Variants in XRRA1 observed in about 807,000 individuals in gnomAD.
XRRA1 encodes X-ray radiation resistance-associated protein 1.
XRRA1 carries 69 observed loss-of-function variants against 80.2 expected under a neutral mutation model. That is an observed-to-expected ratio of 0.86 (90% confidence interval 0.71 to 1.05). The LOEUF (loss-of-function observed/expected upper bound fraction) is 1.05, where lower values mean the gene tolerates loss of function less well. Among genes scored for constraint, XRRA1 ranks in the 50% least tolerant of loss-of-function variants. XRRA1 has a pLI of 0.00. For synonymous variants in XRRA1, 348 were observed against 389.9 expected (o/e 0.89, Z 1.27); for missense variants, 967 against 976.4 (o/e 0.99, Z 0.13).
At chr11:74,860,932 G>A (rs1458053313) in intron 11 of XRRA1, among the ~76,000 whole-genome samples, 1 of 152,222 alleles carries the variant, frequency 6.6e-6, no homozygotes, top group Non-Finnish European at 1.5e-5. Context: ...GGCTGGCCAT[G>A]CCAGAAAGAC....
intron 10 of XRRA1, among the ~76,000 whole-genome samples, chr11:74,889,234 A>G (rs1356645149): frequency 2.0e-5 from 3 of 152,162 alleles, no homozygotes; most frequent in Non-Finnish European, 2.9e-5. Context: ...GCCAGAAGAG[A>G]GTGGGGGCCA....
At chr11:74,899,033 TA>T (rs560207216) in intron 10 of XRRA1, among the ~76,000 whole-genome samples, 8 of 152,256 alleles carry the variant, frequency 5.3e-5, no homozygotes, top group African/African-American at 1.9e-4. Flanking sequence ...AAAACATTTT[TA>T]AAAAATCTTG....
At chr11:74,900,789 A>G (rs1240417290) in intron 10 of XRRA1, among the ~76,000 whole-genome samples, 1 of 152,258 alleles carries the variant, frequency 6.6e-6, no homozygotes, top group African/African-American at 2.4e-5. Context: ...AAAACTAGGT[A>G]TAGAAGAACC....
chr11:74,944,618 G>A (rs1051910570), intron 2 of XRRA1, among the ~76,000 whole-genome samples: 3 of 152,204 alleles, frequency 2.0e-5, no homozygotes, highest in Admixed American at 6.5e-5. Context: ...TCCATACTTC[G>A]CCTAGTATAG....
intron 5 of XRRA1, among the ~76,000 whole-genome samples, chr11:74,931,548 C>G (rs1404798669): frequency 2.6e-5 from 4 of 152,100 alleles, no homozygotes; most frequent in Admixed American, 2.6e-4. Context: ...TAGTCTCAAA[C>G]TCCTGACCTC....
chr11:74,853,995 C>T (rs114850979), intron 12 of XRRA1, among the ~76,000 whole-genome samples: 3,425 of 150,246 alleles, frequency 0.023, 145 homozygotes, highest in African/African-American at 0.079. Flanking sequence ...ACTGGGGGGG[C>T]GGAGGATGGG....
intron 10 of XRRA1, among the ~76,000 whole-genome samples, chr11:74,886,723 T>G (rs374743155): frequency 6.6e-6 from 1 of 152,108 alleles, no homozygotes; most frequent in Non-Finnish European, 1.5e-5. Context: ...ATTTAAAAAT[T>G]TATAAATAAC....
chr11:74,883,940 G>A (rs2048377530), intron 10 of XRRA1, among the ~76,000 whole-genome samples: 1 of 152,200 alleles, frequency 6.6e-6, no homozygotes, highest in African/African-American at 2.4e-5. Context: ...GCTTATGCCT[G>A]TAATCGCAGC....
intron 10 of XRRA1, among the ~76,000 whole-genome samples, chr11:74,903,539 T>C (rs372137530): frequency 3.3e-5 from 5 of 152,014 alleles, no homozygotes; most frequent in African/African-American, 1.2e-4. Context: ...CTGTCTCCAC[T>C]AAAAATACAA....
At chr11:74,853,883 C>T (rs1241632617) in intron 12 of XRRA1, among the ~76,000 whole-genome samples, 4 of 151,766 alleles carry the variant, frequency 2.6e-5, no homozygotes, top group Admixed American at 2.6e-4. Flanking sequence ...AAGTAGGGGC[C>T]AAACAAAAGG....
At chr11:74,900,390 C>T (rs12419929) in intron 10 of XRRA1, among the ~76,000 whole-genome samples, 38,592 of 151,840 alleles carry the variant, frequency 0.25, 5,808 homozygotes, top group East Asian at 0.53. Flanking sequence ...CAAGACCAGC[C>T]TGATCAACAT....
chr11:74,912,258 G>A (rs866405407), intron 8 of XRRA1, among the ~76,000 whole-genome samples: 1 of 152,138 alleles, frequency 6.6e-6, no homozygotes, highest in Non-Finnish European at 1.5e-5. Context: ...AGAAAACCCA[G>A]ACAAAATATA....
chr11:74,877,683 A>G (rs868866004), intron 10 of XRRA1, among the ~76,000 whole-genome samples: 51 of 141,328 alleles, frequency 3.6e-4, no homozygotes, highest in Admixed American at 1.3e-3. Flanking sequence ...TCATTGTTCA[A>G]TTCCCACCTA....
chr11:74,845,397 T>C (rs1210880102), intron 15 of XRRA1, 126 bp from the exon 16 acceptor site: 2 of 906,576 alleles, frequency 2.2e-6, no homozygotes, highest in Non-Finnish European at 3.3e-6. Context: ...AGACCAAGAC[T>C]GGGATGGAAG....
chr11:74,930,552 A>G (rs1292071899), intron 5 of XRRA1, among the ~76,000 whole-genome samples, 180 bp from the exon 6 acceptor site: 1 of 152,180 alleles, frequency 6.6e-6, no homozygotes. Flanking sequence ...TTTTTCCACT[A>G]TGAAACATTT....
At chr11:74,926,497 T>C (rs1336945265) in intron 7 of XRRA1, among the ~76,000 whole-genome samples, 12 of 152,198 alleles carry the variant, frequency 7.9e-5, no homozygotes, top group Admixed American at 6.5e-4. Context: ...CTCCAGGATG[T>C]GGAGAAGAGT....
chr11:74,944,743 C>G lies in XRRA1; in HGVS notation c.-5+275G>C, dbSNP rs539446863. Among the ~76,000 whole-genome samples the G allele has an allele frequency of 1.7e-3, 253 of 152,242 alleles. 1 individual carries two copies. Among genetic ancestry groups the G allele is most frequent in the African/African-American group, 5.9e-3 (244 of 41,526 alleles). ...CCAGCATGTAGCATAGAGCCTACGA[C>G]TCACTAAAAATATGTTGGTAAGATT... On this transcript the variant is annotated intron_variant, in intron 2 of 18. Transcript: ENST00000684022.
chr11:74,946,223 G>A lies in XRRA1; in HGVS notation c.-72-1138C>T, dbSNP rs547584282. On this transcript the variant is annotated intron_variant, in intron 1 of 18. Coordinates refer to ENST00000684022, the MANE Select transcript of XRRA1 (RefSeq NM_001378157.1). Reference sequence around the variant, plus strand: ...CTCTCAAAGTGTTGGGATTACAGGCGTGAACCCCCTTGCCCAGCCATCAGG... The same window carrying A: ...CTCTCAAAGTGTTGGGATTACAGGCATGAACCCCCTTGCCCAGCCATCAGG... 6.6e-5 allele frequency among the ~76,000 whole-genome samples: 10 copies of A among 152,280 alleles called. No individual in the cohort carries two copies. In the South Asian group the frequency reaches 1.0e-3, roughly 16 times the overall value.
intron 11 of XRRA1, among the ~76,000 whole-genome samples, chr11:74,860,661 A>G (rs1017070937): frequency 5.3e-5 from 8 of 152,242 alleles, no homozygotes; most frequent in Non-Finnish European, 1.0e-4. Context: ...TTTAATGGTC[A>G]CAAGCCCCTC....
Sources: allele counts gnomAD v4.1 joint callset (sites outside exome capture counted in the v4.1 genomes callset), GRCh38; gene constraint gnomAD v4.1.1; transcripts MANE v1.5; gene names NCBI Gene and HGNC (gene_info 2026-07-23, HGNC 2026-07-21).